CIRBP: variants seen among roughly 807,000 people sequenced by gnomAD.
CIRBP encodes cold-inducible RNA-binding protein.
A neutral mutation model predicts 22.3 loss-of-function variants in CIRBP; 11 were observed. The ratio of observed to expected loss-of-function variants is 0.49; its 90% CI spans 0.31 to 0.82. The LOEUF (loss-of-function observed/expected upper bound fraction) is 0.82, where lower values mean the gene tolerates loss of function less well. CIRBP is among the 40% of genes least tolerant of loss of function. CIRBP has a pLI of 0.05. For missense variants in CIRBP, 456 were observed against 402.7 expected (o/e 1.13, Z -1.13); for synonymous variants, 216 against 158.8 (o/e 1.36, Z -2.71).
In CIRBP at chr19:1,272,542, A is replaced by T; in HGVS notation, c.*99A>T. 1 of 1,039,454 alleles carries T rather than the reference A, an allele frequency of 9.6e-7. No homozygotes were observed. Among genetic ancestry groups the T allele is most frequent in the Non-Finnish European group, 1.4e-6 (1 of 704,006 alleles). 64.4% of individuals were successfully genotyped at this position (1,039,454 alleles called of 1,614,324 possible). A position where few individuals can be genotyped will look rare whatever the true frequency, so the allele number is the denominator to read the frequency against. ...ATGTGTAGTAAATGCACCTCCTTGT[A>T]TTCCCACTTTCGTAGTCATTTCGGT... On this transcript the variant is annotated 3_prime_UTR_variant, in exon 6 of 6. Coordinates refer to ENST00000587896, the MANE Select transcript of CIRBP (RefSeq NM_001300829.2).
Position 1,274,361 on chromosome 19 carries a change from C to G in CIRBP, c.*1918C>G, listed in dbSNP as rs1050786789. On this transcript the variant is annotated 3_prime_UTR_variant, in exon 6 of 6. Coordinates refer to ENST00000587896, the MANE Select transcript of CIRBP (RefSeq NM_001300829.2). ...AGGGTGGCCTGAGAGCAGCGATGAC[C>G]TCTGGGGTCACTGTCCCAGGAGGGA... is the stretch of plus-strand genomic sequence containing the variant. 1.0e-5 allele frequency: 4 copies of G among 401,082 alleles called. No individual in the cohort carries two copies. Among genetic ancestry groups the G allele is most frequent in the African/African-American group, 8.2e-5 (4 of 48,712 alleles). The allele number at this position is 401,082 out of a possible 1,614,324, so 24.8% of individuals were successfully genotyped here.
In CIRBP at chr19:1,269,332, C is replaced by G. The variant is rs147512234; in HGVS notation, c.-85C>G. The G allele has an allele frequency of 5.3e-5, 8 of 151,974 alleles. No homozygotes were observed. The highest frequency in any genetic ancestry group is 3.9e-4 in the East Asian group (2 of 5,144). 9.4% of individuals were successfully genotyped at this position (151,974 alleles called of 1,614,324 possible). On this transcript the variant is annotated 5_prime_UTR_variant, in exon 1 of 6. Transcript: ENST00000587896. Reference sequence around the variant, plus strand: ...AGGCCGGGCTCGGGGACGCCCCCCCCTCACTCGCGCGTTAGGAGGCTCGGG... The same window carrying G: ...AGGCCGGGCTCGGGGACGCCCCCCCGTCACTCGCGCGTTAGGAGGCTCGGG...
intron 2 of CIRBP, 34 bp downstream of exon 2, chr19:1,271,070 G>A: frequency 1.2e-5 from 20 of 1,611,162 alleles, no homozygotes; most frequent in Non-Finnish European, 1.7e-5. Context: ...GCCCTGGGCG[G>A]GGGGGCTTGT....
chr19:1,271,792 C>T (rs557438911), intron 5 of CIRBP, 160 bp downstream of exon 5: 5 of 703,792 alleles, frequency 7.1e-6, no homozygotes, highest in African/African-American at 1.8e-5. Context: ...TCAGGACATT[C>T]GCAGAAGCGG....
Position 1,271,114 on chromosome 19 carries a change from A to G in CIRBP, c.104-26A>G, listed in dbSNP as rs1472365112. ...TACCTGGAAGTACAGCTGGGTGCTG[A>G]CTGCAGACCTCTCTCCCCTGCACAG... On this transcript the variant is annotated intron_variant, in intron 2 of 5. Transcript: ENST00000587896. 3 of 1,611,046 alleles carry G rather than the reference A, an allele frequency of 1.9e-6. No homozygotes were observed. The African/African-American group carries it at 4.0e-5, about 22-fold the overall frequency.
chr19:1,274,030 TCTTAA>T lies in CIRBP; in HGVS notation c.*1592_*1596del, dbSNP rs374181805. 433 of 320,438 alleles carry T rather than the reference TCTTAA, an allele frequency of 1.4e-3. 2 individuals carry two copies. The highest frequency in any genetic ancestry group is 2.1e-3 in the Non-Finnish European group (363 of 176,664). The allele number at this position is 320,438 out of a possible 1,614,324, so 19.8% of individuals were successfully genotyped here. On this transcript the variant is annotated 3_prime_UTR_variant, in exon 6 of 6. Transcript: ENST00000587896. Reference sequence around the variant, plus strand: ...TTTTCCAGACCTCTTTAAGTCACACTCTTAACTTAGCTTTCTCTGATGTCTGTTGC... The same window carrying T: ...TTTTCCAGACCTCTTTAAGTCACACTCTTAGCTTTCTCTGATGTCTGTTGC...
In CIRBP at chr19:1,272,886, T is replaced by G. The variant is rs2081366540; in HGVS notation, c.*443T>G. ...TGTCGGAAGCTGAGCAAGCTGTGGC[T>G]TTTTTCCAACTCCGTGTGACGTTTC... On this transcript the variant is annotated 3_prime_UTR_variant, in exon 6 of 6. Coordinates refer to ENST00000587896, the MANE Select transcript of CIRBP (RefSeq NM_001300829.2). 6.3e-6 allele frequency: 1 copy of G among 159,934 alleles called. No individual in the cohort carries two copies. The allele number at this position is 159,934 out of a possible 1,614,324, so 9.9% of individuals were successfully genotyped here.
At position 1,271,578 on chromosome 19, in the gene CIRBP, A is replaced by G; in HGVS notation, c.377A>G (p.Asn126Ser). ...RGGGDRGYGG[N>S]RFESRSGGYG... Reference sequence around the variant, plus strand: ...GGAGGGGACCGAGGCTATGGGGGGAACCGGTTCGAGTCCAGGAGTGGGGGC... The same window carrying G: ...GGAGGGGACCGAGGCTATGGGGGGAGCCGGTTCGAGTCCAGGAGTGGGGGC... Residue 126 changes from asparagine to serine, a missense_variant, in exon 5 of 6, where the codon AAC (asparagine) becomes AGC (serine). Transcript: ENST00000587896. 6.4e-7 allele frequency: 1 copy of G among 1,556,510 alleles called. No homozygotes were observed. Among genetic ancestry groups the G allele is most frequent in the Non-Finnish European group, 8.7e-7 (1 of 1,151,998 alleles).
chr19:1,270,161 A>C (rs749837127), intron 1 of CIRBP: 24 of 508,862 alleles, frequency 4.7e-5, no homozygotes, highest in Non-Finnish European at 8.7e-5. Context: ...TTCCCGGCCT[A>C]GGTCCTGGCT....
At position 1,273,203 on chromosome 19, in the gene CIRBP, C is replaced by CT. The variant is rs1288271883; in HGVS notation, c.*760_*761insT. ...CTCTGACAATTCCCTTGCATTGCAC[C>CT]ACACACTCCTTGCTGCGGGCTCCTG... On this transcript the variant is annotated 3_prime_UTR_variant, in exon 6 of 6. Transcript: ENST00000587896. The CT allele has an allele frequency of 2.0e-5, 3 of 152,232 alleles. No individual in the cohort carries two copies. The highest frequency in any genetic ancestry group is 7.2e-5 in the African/African-American group (3 of 41,438). 9.4% of individuals were successfully genotyped at this position (152,232 alleles called of 1,614,324 possible).
intron 4 of CIRBP, 26 bp from the exon 5 acceptor site, chr19:1,271,525 G>C: frequency 1.9e-6 from 3 of 1,598,710 alleles, no homozygotes; most frequent in Non-Finnish European, 1.7e-6. Context: ...GTGGGAGCTG[G>C]TACTCACTTT....
In CIRBP at chr19:1,272,147, A is replaced by C; in HGVS notation, c.598A>C (p.Arg200=). The C allele has an allele frequency of 3.1e-6, 5 of 1,611,770 alleles. No homozygotes were observed. Among genetic ancestry groups the C allele is most frequent in the Non-Finnish European group, 4.2e-6 (5 of 1,179,382 alleles). Residue 200 remains arginine, a synonymous_variant, in exon 6 of 6, where the codon AGA becomes CGA. Transcript: ENST00000587896. Reference sequence around the variant, plus strand: ...TCCAAGCACTTTAGGCTGGACACTCAGACCTTGTCACTGTGCTTGCCCAGA... The same window carrying C: ...TCCAAGCACTTTAGGCTGGACACTCCGACCTTGTCACTGTGCTTGCCCAGA... The part of the protein sequence containing the change: ...PSPSTLGWTL[R]PCHCACPEEA...
intron 1 of CIRBP, chr19:1,269,839 C>T: frequency 3.9e-6 from 2 of 519,450 alleles, no homozygotes; most frequent in South Asian, 2.8e-5. Context: ...CCTTAGTTTC[C>T]TCCTTTTCCC....
rs1162619513 is a variant in CIRBP, at chr19:1,273,254, G to C, written c.*811G>C. 1 of 152,286 alleles carries C rather than the reference G, an allele frequency of 6.6e-6. No individual in the cohort carries two copies. Among genetic ancestry groups the C allele is most frequent in the Non-Finnish European group, 1.5e-5 (1 of 68,110 alleles). 9.4% of individuals were successfully genotyped at this position (152,286 alleles called of 1,614,324 possible). On this transcript the variant is annotated 3_prime_UTR_variant, in exon 6 of 6. Coordinates refer to ENST00000587896, the MANE Select transcript of CIRBP (RefSeq NM_001300829.2). ...CAGCCAGACCTGAGCAGAGAGAGAAGGTGGAGAAGCAGCGGGTCTGCAAGC... is the reference window on the plus strand; with the variant it reads ...CAGCCAGACCTGAGCAGAGAGAGAACGTGGAGAAGCAGCGGGTCTGCAAGC...
Position 1,271,213 on chromosome 19 carries a change from C to A in CIRBP, c.177C>A (p.Asp59Glu). Residue 59 changes from aspartate to glutamate, a missense_variant, in exon 3 of 6, where the codon GAC becomes GAA. By Grantham distance (45) the Asp-to-Glu change is conservative. Transcript: ENST00000587896. ...TTGTCACCTTTGAGAACATTGACGA[C>A]GCTAAGGATGCCATGATGGCCATGA... ...FGFVTFENID[D>E]AKDAMMAMNG... 1 of 1,613,988 alleles carries A rather than the reference C, an allele frequency of 6.2e-7. No homozygotes were observed. The highest frequency in any genetic ancestry group is 8.5e-7 in the Non-Finnish European group (1 of 1,180,014).
Position 1,271,262 on chromosome 19 carries a change from C to T in CIRBP, c.210+16C>T. 2 of 1,613,952 alleles carry T rather than the reference C, an allele frequency of 1.2e-6. 1 individual carries two copies. The highest frequency in any genetic ancestry group is 2.2e-5 in the South Asian group (2 of 91,086). On this transcript the variant is annotated intron_variant, in intron 3 of 5. Transcript: ENST00000587896. Reference sequence around the variant, plus strand: ...GAATGGGAAGGTGAGGATCAGGGTGCTGAGCAGGAGTCCCGTCTCGAGGAT... The same window carrying T: ...GAATGGGAAGGTGAGGATCAGGGTGTTGAGCAGGAGTCCCGTCTCGAGGAT...
rs1228699041 is a variant in CIRBP at position 1,271,147 on chromosome 19, T to C, written c.111T>C (p.Val37=). 6.2e-7 allele frequency: 1 copy of C among 1,614,004 alleles called. No homozygotes were observed. Among genetic ancestry groups the C allele is most frequent in the Non-Finnish European group, 8.5e-7 (1 of 1,179,970 alleles). ...SKYGQISEVV[V]VKDRETQRSR... is the part of the protein sequence containing the mutation. The stretch of plus-strand genomic sequence containing the variant: ...CCTCTCTCCCCTGCACAGTGGTGGT[T>C]GTGAAAGACAGGGAGACCCAGAGAT... Residue 37 remains valine, a synonymous_variant, in exon 3 of 6, where the codon GTT becomes GTC. Transcript: ENST00000587896.
In CIRBP at chr19:1,272,190, C is replaced by T; in HGVS notation, c.641C>T (p.Ser214Phe). 1 of 1,597,572 alleles carries T rather than the reference C, an allele frequency of 6.3e-7. No individual in the cohort carries two copies. The highest frequency in any genetic ancestry group is 8.5e-7 in the Non-Finnish European group (1 of 1,172,838). ...TGCCCAGAAGAGGCGCATCTGTCCT[C>T]TCAGAGCCATTTCTATCGCAGGACG... ...CACPEEAHLS[S>F]QSHFYRRTQK... is the part of the protein sequence containing the mutation. The change falls in exon 6 of 6, where the codon TCT (serine) becomes TTT (phenylalanine). Residue 214 changes from serine to phenylalanine, a missense_variant. Transcript: ENST00000587896.
chr19:1,269,823 A>C (rs1404093497), intron 1 of CIRBP: 1 of 517,960 alleles, frequency 1.9e-6, no homozygotes, highest in Non-Finnish European at 3.9e-6. Flanking sequence ...GCTTTTGCTT[A>C]CCGAGCCTTA....
Sources: allele counts gnomAD v4.1 joint callset, GRCh38; gene constraint gnomAD v4.1.1; transcripts MANE v1.5; gene names NCBI Gene and HGNC (gene_info 2026-07-23, HGNC 2026-07-21).